LHFPL4: variants seen among roughly 807,000 people sequenced by gnomAD.
LHFPL4 encodes the protein LHFPL tetraspan subfamily member 4 protein.
Under a neutral mutation model 20.0 loss-of-function variants are expected in LHFPL4, and 6 were observed. The ratio of observed to expected loss-of-function variants is 0.30; its 90% CI spans 0.16 to 0.59. The LOEUF (loss-of-function observed/expected upper bound fraction) is 0.59. LHFPL4 is among the 20% of genes least tolerant of loss of function. The pLI, the probability that LHFPL4 is intolerant of heterozygous loss-of-function variation, is 0.88. For synonymous variants in LHFPL4, 129 were observed against 143.8 expected (o/e 0.90, Z 0.74); for missense variants, 215 against 331.2 (o/e 0.65, Z 2.72).
chr3:9,522,058 A>G (rs2046341145), intron 2 of LHFPL4, among the ~76,000 whole-genome samples: 1 of 152,108 alleles, frequency 6.6e-6, no homozygotes, highest in Non-Finnish European at 1.5e-5. Context: ...AAAAATTTTT[A>G]AGTAGTTGCC....
rs1271031898 is a variant in LHFPL4 at position 9,552,386 on chromosome 3, G to A, written c.294C>T (p.Phe98=). The change falls in exon 2 of 4, where the codon TTC becomes TTT. Residue 98 remains phenylalanine, a synonymous_variant. Transcript: ENST00000287585. ...PSSAFKAAAF[F]VLLSMVLILG... ...GGATCAGCACCATGGAGAGCAGCAC[G>A]AAGAAGGCGGCCGCCTTGAAGGCGC... is the stretch of plus-strand genomic sequence containing the variant. The A allele has an allele frequency of 1.9e-6, 3 of 1,613,840 alleles. No homozygotes were observed. The African/African-American group carries it at 4.0e-5, about 22-fold the overall frequency.
intron 2 of LHFPL4, among the ~76,000 whole-genome samples, chr3:9,521,029 A>C (rs1463875859): frequency 6.6e-6 from 1 of 152,092 alleles, no homozygotes; most frequent in Non-Finnish European, 1.5e-5. Context: ...ACAAGAGTAG[A>C]TGCATCTATT....
intron 2 of LHFPL4, among the ~76,000 whole-genome samples, chr3:9,523,559 G>A (rs1467864862): frequency 2.0e-5 from 3 of 151,204 alleles, no homozygotes; most frequent in Non-Finnish European, 2.9e-5. Flanking sequence ...TGCAACCTCC[G>A]CCTCCCTGGC....
chr3:9,550,437 TCA>T (rs1367790024), intron 2 of LHFPL4, among the ~76,000 whole-genome samples: 2 of 152,148 alleles, frequency 1.3e-5, no homozygotes, highest in Non-Finnish European at 2.9e-5. Flanking sequence ...ATCTCTATAC[TCA>T]GTTTCCTCTC....
chr3:9,534,712 A>C (rs1454143280), intron 2 of LHFPL4, among the ~76,000 whole-genome samples: 1 of 152,152 alleles, frequency 6.6e-6, no homozygotes, highest in African/African-American at 2.4e-5. Flanking sequence ...ATTACCAGAG[A>C]TTTTCATTCA....
intron 2 of LHFPL4, among the ~76,000 whole-genome samples, chr3:9,522,269 C>G (rs1157485983): frequency 6.6e-6 from 1 of 151,400 alleles, no homozygotes; most frequent in Non-Finnish European, 1.5e-5. Flanking sequence ...GTTGGGATTA[C>G]AGGCGTGAGC....
At chr3:9,519,521 C>G (rs2633770) in intron 2 of LHFPL4, among the ~76,000 whole-genome samples, 1 of 151,906 alleles carries the variant, frequency 6.6e-6, no homozygotes. Context: ...TTTCAATTCA[C>G]CTGATGCTCT....
chr3:9,531,184 A>G (rs1004039125), intron 2 of LHFPL4, among the ~76,000 whole-genome samples: 50 of 152,236 alleles, frequency 3.3e-4, no homozygotes, highest in Admixed American at 4.6e-4. Context: ...AGATCACCAT[A>G]AAAGATATAA....
chr3:9,502,290 C>G lies in LHFPL4; in HGVS notation c.665G>C (p.Ser222Thr), dbSNP rs1442314783. 1 of 1,612,970 alleles carries G rather than the reference C, an allele frequency of 6.2e-7. No individual in the cohort carries two copies. The highest frequency in any genetic ancestry group is 2.2e-5 in the East Asian group (1 of 44,852). Residue 222 changes from serine to threonine, a missense_variant, in exon 4 of 4, where the codon AGC becomes ACC. By Grantham distance (58) the Ser-to-Thr change is moderately conservative. Coordinates refer to ENST00000287585, the MANE Select transcript of LHFPL4 (RefSeq NM_198560.3). ...ENKDFVGSTVSSVLRPGGDVS... is the reference protein window; with the variant it reads ...ENKDFVGSTVTSVLRPGGDVS... ...ATCACCCCCGGGCCGCAACACGGAG[C>G]TTACTGTAGAGCCCACAAAATCTAA...
At position 9,523,036 on chromosome 3, in the gene LHFPL4, G is replaced by A. The variant is rs188181776; in HGVS notation, c.407-16833C>T. ...AGCCTGGGCAACAGAGCGAGACTCC[G>A]TCTCAAAAAAAAAAAAAAAAAAGAA... is the stretch of plus-strand genomic sequence containing the variant. On this transcript the variant is annotated intron_variant, in intron 2 of 3. Transcript: ENST00000287585. Among the ~76,000 whole-genome samples the A allele has an allele frequency of 2.6e-3, 218 of 84,256 alleles. 1 individual carries two copies. The highest frequency in any genetic ancestry group is 0.011 in the African/African-American group (205 of 18,120). The allele number at this position is 84,256 out of a possible 152,430, so 55.3% of individuals were successfully genotyped here. A position where few individuals can be genotyped will look rare whatever the true frequency, so the allele number is the denominator to read the frequency against.
At chr3:9,507,412 C>T (rs182402116) in intron 2 of LHFPL4, among the ~76,000 whole-genome samples, 133 of 152,310 alleles carry the variant, frequency 8.7e-4, no homozygotes, top group African/African-American at 2.3e-3. Flanking sequence ...GTTTCTTCAT[C>T]TGTACAATGG....
At chr3:9,542,922 G>A (rs2046486647) in intron 2 of LHFPL4, among the ~76,000 whole-genome samples, 1 of 152,102 alleles carries the variant, frequency 6.6e-6, no homozygotes, top group Non-Finnish European at 1.5e-5. Context: ...GGCTGAGAAG[G>A]AAGGAGGGTC....
rs1262032608 is a variant in LHFPL4 at position 9,506,615 on chromosome 3, C to T, written c.407-412G>A. ...TTGTTGTTTGAGACGGAGTCTCGCT[C>T]TGTTGCCCAGGGTGGAGTGCAATGG... On this transcript the variant is annotated intron_variant, in intron 2 of 3. Transcript: ENST00000287585. This position sits in a 1 kb window ranked among gnomAD's most constrained non-coding sequence, Gnocchi z 4.5. Among the ~76,000 whole-genome samples, 2 of 152,296 alleles carry T rather than the reference C, an allele frequency of 1.3e-5. No homozygotes were observed. Among genetic ancestry groups the T allele is most frequent in the South Asian group, 4.1e-4 (2 of 4,828 alleles).
At chr3:9,516,358 T>C (rs1406883405) in intron 2 of LHFPL4, among the ~76,000 whole-genome samples, 1 of 152,188 alleles carries the variant, frequency 6.6e-6, no homozygotes, top group Non-Finnish European at 1.5e-5. Context: ...CCCATTGTGT[T>C]GCCTTTGAGC....
At chr3:9,526,257 G>A (rs2046374678) in intron 2 of LHFPL4, among the ~76,000 whole-genome samples, 1 of 152,094 alleles carries the variant, frequency 6.6e-6, no homozygotes, top group Admixed American at 6.6e-5. Context: ...TGTTTAATGG[G>A]CACAAAGTTT....
At chr3:9,531,839 A>G (rs530599182) in intron 2 of LHFPL4, among the ~76,000 whole-genome samples, 22 of 152,194 alleles carry the variant, frequency 1.4e-4, no homozygotes, top group East Asian at 1.4e-3. Flanking sequence ...AGACTAAAAA[A>G]CTAAAGGAGA....
At chr3:9,508,750 T>A (rs1167417777) in intron 2 of LHFPL4, among the ~76,000 whole-genome samples, 2 of 152,004 alleles carry the variant, frequency 1.3e-5, no homozygotes, top group South Asian at 4.2e-4. Context: ...GAAAGGAGGG[T>A]CAAACGCCAA....
intron 2 of LHFPL4, among the ~76,000 whole-genome samples, chr3:9,512,390 A>T (rs2046267145): frequency 6.6e-6 from 1 of 152,198 alleles, no homozygotes; most frequent in African/African-American, 2.4e-5. Flanking sequence ...GTGGCGTGTG[A>T]GCAGGTCATG....
rs768464431 is a variant in LHFPL4 at position 9,502,299 on chromosome 3, G to A, written c.656C>T (p.Ser219Phe). The change falls in exon 4 of 4, where the codon TCT becomes TTT. Residue 219 changes from serine (S) to phenylalanine (F), a missense_variant. This residue lies in a region of LHFPL4 where 51 missense variants were observed against 44.5 expected (regional missense o/e 1.15). Transcript: ENST00000287585. The stretch of plus-strand genomic sequence containing the variant: ...GGGCCGCAACACGGAGCTTACTGTA[G>A]AGCCCACAAAATCTAAGAGAGAGAG... ...LKPENKDFVG[S>F]TVSSVLRPGG... The A allele has an allele frequency of 6.2e-7, 1 of 1,611,658 alleles. No individual in the cohort carries two copies. Among genetic ancestry groups the A allele is most frequent in the African/African-American group, 1.3e-5 (1 of 74,980 alleles).
Sources: allele counts gnomAD v4.1 joint callset (sites outside exome capture counted in the v4.1 genomes callset), GRCh38; gene constraint gnomAD v4.1.1; regional missense constraint gnomAD v4.1.1; non-coding constraint Gnocchi (gnomAD v3.1); transcripts MANE v1.5; gene names NCBI Gene and HGNC (gene_info 2026-07-23, HGNC 2026-07-21).